The following ARSB variants were observed in gnomAD, a reference collection of about 807,000 sequenced individuals.
ARSB encodes the protein N-acetylgalactosamine-4-sulfatase.
A neutral mutation model predicts 50.9 loss-of-function variants in ARSB; 41 were observed. That is an observed-to-expected ratio of 0.81 (90% CI 0.63 to 1.04). The LOEUF (loss-of-function observed/expected upper bound fraction) is 1.04, where lower values mean the gene tolerates loss of function less well. Among genes scored for constraint, ARSB ranks in the 50% least tolerant of loss-of-function variants. ARSB has a pLI of 0.00. For missense variants in ARSB, 672 were observed against 693.3 expected (o/e 0.97, Z 0.35); for synonymous variants, 269 against 284.8 (o/e 0.94, Z 0.56).
intron 4 of ARSB, among the ~76,000 whole-genome samples, chr5:78,917,576 A>C (rs1749617270): frequency 6.6e-6 from 1 of 152,104 alleles, no homozygotes; most frequent in Non-Finnish European, 1.5e-5. Flanking sequence ...GTGGTGGCAC[A>C]ATCTTGGCTC....
intron 4 of ARSB, among the ~76,000 whole-genome samples, chr5:78,952,398 G>A (rs1234548429): frequency 2.0e-5 from 3 of 151,842 alleles, no homozygotes; most frequent in African/African-American, 2.4e-5. Flanking sequence ...GTACAGTGGC[G>A]CAATCTCAGC....
At chr5:78,782,323 T>G (rs1748950139) in intron 6 of ARSB, among the ~76,000 whole-genome samples, 1 of 152,230 alleles carries the variant, frequency 6.6e-6, no homozygotes, top group African/African-American at 2.4e-5. Flanking sequence ...GTTAAACATT[T>G]AAACACACTT....
chr5:78,836,702 T>G (rs146610257), intron 6 of ARSB, among the ~76,000 whole-genome samples: 22 of 152,276 alleles, frequency 1.4e-4, no homozygotes, highest in East Asian at 3.9e-4. Flanking sequence ...GCACAGCAAG[T>G]TGCACCAAGA....
At chr5:78,973,820 G>A (rs140576634) in intron 1 of ARSB, among the ~76,000 whole-genome samples, 8 of 152,216 alleles carry the variant, frequency 5.3e-5, no homozygotes, top group African/African-American at 1.9e-4. Flanking sequence ...CCGTTGAACA[G>A]AAGGGAGGTT....
chr5:78,978,025 A>G (rs1561538326), intron 1 of ARSB, among the ~76,000 whole-genome samples: 1 of 152,176 alleles, frequency 6.6e-6, no homozygotes, highest in Admixed American at 6.5e-5. Context: ...ATTATAAAAT[A>G]TTGTTGAAAG....
intron 5 of ARSB, among the ~76,000 whole-genome samples, chr5:78,882,571 G>T (rs1747802595): frequency 6.6e-6 from 1 of 152,136 alleles, no homozygotes; most frequent in African/African-American, 2.4e-5. Context: ...CAAGGGAATG[G>T]GTAAGTATAT....
intron 5 of ARSB, among the ~76,000 whole-genome samples, chr5:78,871,609 C>T (rs546747280): frequency 6.2e-5 from 9 of 145,254 alleles, no homozygotes; most frequent in South Asian, 2.3e-4. Context: ...AACTGGCTAG[C>T]CATATGTAGA....
chr5:78,780,179 CCCACCT>C lies in ARSB; in HGVS notation c.*212_*217del. 1 of 599,288 alleles carries C rather than the reference CCCACCT, an allele frequency of 1.7e-6. No individual in the cohort carries two copies. 37.1% of individuals were successfully genotyped at this position (599,288 alleles called of 1,614,324 possible). ...GGAAAGGGGGATAAACCCAGCCACC[CCCACCT>C]CTAGACACATGCTCCAGCCAACAGC... On this transcript the variant is annotated 3_prime_UTR_variant, in exon 8 of 8. Transcript: ENST00000264914.
chr5:78,974,516 A>C (rs978786041), intron 1 of ARSB, among the ~76,000 whole-genome samples: 7 of 152,252 alleles, frequency 4.6e-5, no homozygotes, highest in African/African-American at 1.4e-4. Flanking sequence ...GGAATCTCTC[A>C]AAAGGTGATA....
intron 4 of ARSB, among the ~76,000 whole-genome samples, chr5:78,886,516 T>A (rs36027876): frequency 0.16 from 24,619 of 152,058 alleles, 2,171 homozygotes; most frequent in South Asian, 0.24. Context: ...AGAGAAGGTT[T>A]CTCTTCCAAG....
intron 6 of ARSB, among the ~76,000 whole-genome samples, chr5:78,806,607 C>G (rs1743574747): frequency 6.6e-6 from 1 of 152,194 alleles, no homozygotes; most frequent in South Asian, 2.1e-4. Context: ...GTCACTCCTC[C>G]TCACCCTGCG....
intron 6 of ARSB, among the ~76,000 whole-genome samples, chr5:78,796,895 T>TTTTTTTTG: frequency 6.7e-6 from 1 of 149,208 alleles, no homozygotes; most frequent in Non-Finnish European, 1.5e-5. Context: ...TTTTTTTTTT[T>TTTTTTTTG]GAGACAGAGT....
At chr5:78,846,590 T>C (rs1444021903) in intron 5 of ARSB, among the ~76,000 whole-genome samples, 2 of 152,238 alleles carry the variant, frequency 1.3e-5, no homozygotes, top group South Asian at 4.1e-4. Context: ...GATTTCTGTA[T>C]GTTGATTCTG....
intron 5 of ARSB, among the ~76,000 whole-genome samples, chr5:78,852,902 C>T (rs1251836967): frequency 6.6e-6 from 1 of 152,222 alleles, no homozygotes; most frequent in Non-Finnish European, 1.5e-5. Context: ...TGGCTTTCAG[C>T]TCCATCAGCT....
intron 4 of ARSB, among the ~76,000 whole-genome samples, chr5:78,942,821 T>C (rs1321576384): frequency 3.3e-5 from 5 of 152,174 alleles, no homozygotes; most frequent in Non-Finnish European, 7.3e-5. Context: ...CTGAGTTCAA[T>C]TCCTGGATAT....
At chr5:78,924,233 G>A (rs1270380980) in intron 4 of ARSB, among the ~76,000 whole-genome samples, 1 of 152,162 alleles carries the variant, frequency 6.6e-6, no homozygotes, top group African/African-American at 2.4e-5. Context: ...ACAATAGTCC[G>A]CTGAGCAAGC....
chr5:78,923,257 G>A (rs554078110), intron 4 of ARSB, among the ~76,000 whole-genome samples: 27 of 152,300 alleles, frequency 1.8e-4, no homozygotes, highest in Admixed American at 2.6e-4. Flanking sequence ...GGGATCCATG[G>A]GGGAAACATC....
At chr5:78,882,323 A>T (rs971893015) in intron 5 of ARSB, among the ~76,000 whole-genome samples, 3 of 152,160 alleles carry the variant, frequency 2.0e-5, no homozygotes, top group African/African-American at 7.2e-5. Flanking sequence ...AAAAAATGAG[A>T]CTGAGAGACA....
rs10044381 is a variant in ARSB at position 78,839,689 on chromosome 5, T to C, written c.1143-263A>G. ...AAAATGATTCTGGGACCCTTTGAAA[T>C]AAATATTGTGGCCTTATTTAAACAT... On this transcript the variant is annotated intron_variant, in intron 5 of 7. Transcript: ENST00000264914. 6.5e-3 allele frequency among the ~76,000 whole-genome samples: 984 copies of C among 152,244 alleles called. 6 individuals carry two copies. Among genetic ancestry groups the C allele is most frequent in the Non-Finnish European group, 9.6e-3 (653 of 67,992 alleles).
Sources: gnomAD v4.1 joint callset for allele counts (sites outside exome capture counted in the v4.1 genomes callset) on GRCh38, gnomAD v4.1.1 for gene constraint, MANE v1.5 for transcripts, NCBI Gene and HGNC (gene_info 2026-07-23, HGNC 2026-07-21) for gene names.